Variants in SLC36A2 observed in about 807,000 individuals in gnomAD.
The protein encoded by SLC36A2 is solute carrier family 36 member 2.
SLC36A2 carries 39 observed loss-of-function variants against 42.7 expected under a neutral mutation model. The observed-to-expected ratio is 0.91, with a 90% confidence interval of 0.71 to 1.19. The LOEUF (loss-of-function observed/expected upper bound fraction) is 1.19. Ranked by LOEUF, SLC36A2 falls within the 50% of genes most tolerant of loss-of-function variation. The pLI is 0.00. For missense variants in SLC36A2, 590 were observed against 613.7 expected (o/e 0.96, Z 0.41); for synonymous variants, 237 against 240.8 (o/e 0.98, Z 0.15).
chr5:151,326,785 T>C (rs1228085846), intron 7 of SLC36A2, among the ~76,000 whole-genome samples: 2 of 151,232 alleles, frequency 1.3e-5, no homozygotes, highest in African/African-American at 4.9e-5. Flanking sequence ...TGTTTTCTTA[T>C]CTGAAAACGG....
chr5:151,316,900 C>A lies in SLC36A2; in HGVS notation c.1369G>T (p.Val457Leu), dbSNP rs1293168185. Residue 457 changes from valine (V) to leucine (L), a missense_variant, in exon 10 of 10, where the codon GTG (valine) becomes TTG (leucine). By Grantham distance (32) the Val-to-Leu change is conservative. Coordinates refer to ENST00000335244, the MANE Select transcript of SLC36A2 (RefSeq NM_181776.3). ...ISILGFVGFV[V>L]GTYQALDELL... Reference sequence around the variant, plus strand: ...TCGTCCAGGGCCTGGTAGGTCCCCACCACAAAGCCCACGAAGCCCAGGATG... The same window carrying A: ...TCGTCCAGGGCCTGGTAGGTCCCCAACACAAAGCCCACGAAGCCCAGGATG... 1.9e-6 allele frequency: 3 copies of A among 1,614,110 alleles called. No individual in the cohort carries two copies. In the South Asian group the frequency reaches 3.3e-5, roughly 18 times the overall value.
At chr5:151,325,556 C>T (rs1755830149) in intron 7 of SLC36A2, 104 bp from the exon 8 acceptor site, 2 of 1,198,264 alleles carry the variant, frequency 1.7e-6, no homozygotes, top group South Asian at 1.3e-5. Flanking sequence ...AAAGCAGGGC[C>T]TCAAAGAGAT....
intron 1 of SLC36A2, among the ~76,000 whole-genome samples, chr5:151,346,601 T>A (rs1051451014): frequency 1.7e-4 from 26 of 152,204 alleles, no homozygotes; most frequent in African/African-American, 5.8e-4. Context: ...CAGAACCTCT[T>A]CACTACCACA....
chr5:151,340,262 AGGT>A (rs1756302142), intron 4 of SLC36A2, among the ~76,000 whole-genome samples: 1 of 147,550 alleles, frequency 6.8e-6, no homozygotes, highest in African/African-American at 2.6e-5. Flanking sequence ...GAAGAGGAGG[AGGT>A]GGAAGAAGAA....
At chr5:151,324,572 T>G (rs1004038162) in intron 8 of SLC36A2, among the ~76,000 whole-genome samples, 1 of 152,170 alleles carries the variant, frequency 6.6e-6, no homozygotes, top group Non-Finnish European at 1.5e-5. Flanking sequence ...CCTCAGGTGA[T>G]CCACCCACCC....
At chr5:151,343,716 AACTGGGTTT>A in intron 2 of SLC36A2, 118 bp from the exon 3 acceptor site, 1 of 887,848 alleles carries the variant, frequency 1.1e-6, no homozygotes, top group Non-Finnish European at 1.8e-6. Flanking sequence ...CTCTCTAGCA[AACTGGGTTT>A]AAAGCCCTTT....
chr5:151,325,589 T>TAG (rs1755831723), intron 7 of SLC36A2, 137 bp from the exon 8 acceptor site: 1 of 951,032 alleles, frequency 1.1e-6, no homozygotes, highest in Non-Finnish European at 1.6e-6. Flanking sequence ...ATGTTCACAG[T>TAG]AGTGCTATTC....
At chr5:151,345,983 A>G (rs1228834269) in intron 1 of SLC36A2, among the ~76,000 whole-genome samples, 3 of 152,230 alleles carry the variant, frequency 2.0e-5, no homozygotes, top group Admixed American at 1.3e-4. Context: ...TCTAGCTGGT[A>G]AGCAGCTAAG....
intron 6 of SLC36A2, among the ~76,000 whole-genome samples, chr5:151,334,467 G>A (rs954294619): frequency 3.4e-5 from 5 of 148,886 alleles, no homozygotes; most frequent in Admixed American, 6.7e-5. Context: ...AAGGCGGGGG[G>A]ATCACTTGAG....
chr5:151,334,739 T>C (rs1172713240), intron 6 of SLC36A2, among the ~76,000 whole-genome samples: 1 of 151,980 alleles, frequency 6.6e-6, no homozygotes, highest in Non-Finnish European at 1.5e-5. Context: ...TTAGAAAGGA[T>C]AGCAAATTAG....
chr5:151,333,449 C>CTTG, intron 6 of SLC36A2, 127 bp from the exon 7 acceptor site: 1 of 783,180 alleles, frequency 1.3e-6, no homozygotes, highest in Non-Finnish European at 2.2e-6. Flanking sequence ...TAGAAAACTT[C>CTTG]AAAGGGATGT....
chr5:151,324,875 C>T (rs1048800554), intron 8 of SLC36A2, among the ~76,000 whole-genome samples: 1 of 152,106 alleles, frequency 6.6e-6, no homozygotes, highest in Non-Finnish European at 1.5e-5. Context: ...TTTTTGTTTT[C>T]CACTTTTCTA....
Position 151,343,517 on chromosome 5 carries a change from A to G in SLC36A2, c.337T>C (p.Cys113Arg), listed in dbSNP as rs1580866017. 16 of 1,614,188 alleles carry G rather than the reference A, an allele frequency of 9.9e-6. No individual in the cohort carries two copies. In the East Asian group the frequency reaches 3.6e-4, roughly 36 times the overall value. ...HILVKCAQRF[C>R]KRLNKPFMDY... is the part of the protein sequence containing the mutation. ...GGAGGCTGTTTTCCTCACCTCTTAC[A>G]GAAGCGCTGGGCACACTTGACCAGG... is the stretch of plus-strand genomic sequence containing the variant. The change falls in exon 3 of 10, where the codon TGT becomes CGT. Residue 113 changes from cysteine to arginine, a missense_variant. Coordinates refer to ENST00000335244, the MANE Select transcript of SLC36A2 (RefSeq NM_181776.3).
intron 7 of SLC36A2, among the ~76,000 whole-genome samples, chr5:151,328,280 C>A (rs772579649): frequency 6.6e-6 from 1 of 152,150 alleles, no homozygotes; most frequent in Non-Finnish European, 1.5e-5. Context: ...CAATTATGCA[C>A]AGGTCCTGAA....
chr5:151,335,046 A>G (rs190486125), intron 6 of SLC36A2, among the ~76,000 whole-genome samples: 1 of 152,254 alleles, frequency 6.6e-6, no homozygotes, highest in African/African-American at 2.4e-5. Flanking sequence ...GGAATGGTCT[A>G]CAGTTCACCA....
At chr5:151,344,856 A>C (rs560740048) in intron 1 of SLC36A2, among the ~76,000 whole-genome samples, 1 of 152,180 alleles carries the variant, frequency 6.6e-6, no homozygotes, top group Admixed American at 6.5e-5. Context: ...AAAAGGGGAA[A>C]GGGCAGGCAG....
rs186051790 is a variant in SLC36A2, at chr5:151,323,213, C to T, written c.1011-998G>A. On this transcript the variant is annotated intron_variant, in intron 8 of 9. Coordinates refer to ENST00000335244, the MANE Select transcript of SLC36A2 (RefSeq NM_181776.3). The stretch of plus-strand genomic sequence containing the variant: ...TCGCACCACTGCACTCTAGCCTGGG[C>T]GACAGAGTGAGACCCTGTCTCAAAA... 2.6e-4 allele frequency among the ~76,000 whole-genome samples: 39 copies of T among 151,168 alleles called. No homozygotes were observed. In the East Asian group the frequency reaches 3.5e-3, roughly 14 times the overall value.
rs569214458 is a variant in SLC36A2 at position 151,344,498 on chromosome 5, A to G, written c.165-231T>C. On this transcript the variant is annotated intron_variant, in intron 1 of 9. Transcript: ENST00000335244. ...CTCAATATATGCTGCAACACTTACT[A>G]TATGAGACACTGTGCTAGGTGCTTT... Among the ~76,000 whole-genome samples, 7 of 152,336 alleles carry G rather than the reference A, an allele frequency of 4.6e-5. No homozygotes were observed. In the South Asian group the frequency reaches 1.2e-3, roughly 27 times the overall value.
rs56323943 is a variant in SLC36A2, at chr5:151,321,681, C to CT, written c.1180+364dup. ...ACTGCCCTCTACCATCTGACTGATT[C>CT]TTTTTTTTTTTTTTTTGAGATGAAT... On this transcript the variant is annotated intron_variant, in intron 9 of 9. Coordinates refer to ENST00000335244, the MANE Select transcript of SLC36A2 (RefSeq NM_181776.3). Among the ~76,000 whole-genome samples the CT allele has an allele frequency of 4.1e-3, 554 of 135,012 alleles. 2 individuals carry two copies. Among genetic ancestry groups the CT allele is most frequent in the Non-Finnish European group, 6.3e-3 (390 of 62,312 alleles). The allele number at this position is 135,012 out of a possible 152,430, so 88.6% of individuals were successfully genotyped here.
Sources: allele counts gnomAD v4.1 joint callset (sites outside exome capture counted in the v4.1 genomes callset), GRCh38; gene constraint gnomAD v4.1.1; transcripts MANE v1.5; gene names NCBI Gene and HGNC (gene_info 2026-07-23, HGNC 2026-07-21).